Variants in PPP4R1 observed in about 807,000 individuals in gnomAD.
The protein encoded by PPP4R1 is protein phosphatase 4 regulatory subunit 1.
A neutral mutation model predicts 111.2 loss-of-function variants in PPP4R1; 42 were observed. The observed-to-expected ratio is 0.38, with a 90% CI of 0.29 to 0.49. The LOEUF (loss-of-function observed/expected upper bound fraction) is 0.49, where lower values mean the gene tolerates loss of function less well. Ranked by LOEUF, PPP4R1 falls within the 20% of genes least tolerant of loss-of-function variation. PPP4R1 has a pLI of 0.97. For synonymous variants in PPP4R1, 409 were observed against 405.5 expected (o/e 1.01, Z -0.10); for missense variants, 1,012 against 1,161.6 (o/e 0.87, Z 1.87).
chr18:9,597,677 T>C (rs781468354), intron 2 of PPP4R1, among the ~76,000 whole-genome samples: 2 of 152,132 alleles, frequency 1.3e-5, no homozygotes, highest in African/African-American at 4.8e-5. Flanking sequence ...TAACAAAGCT[T>C]AACAGGCTTC....
chr18:9,549,666 G>T (rs1451141800), intron 18 of PPP4R1, among the ~76,000 whole-genome samples: 2 of 152,174 alleles, frequency 1.3e-5, no homozygotes, highest in African/African-American at 4.8e-5. Flanking sequence ...GTGTGGTGGG[G>T]TACATGTATG....
chr18:9,584,845 C>A lies in PPP4R1; in HGVS notation c.586-17G>T. On this transcript the variant is annotated splice_polypyrimidine_tract_variant and intron_variant, in intron 6 of 19. Transcript: ENST00000400556. ...GCACATTATCTAAAATAAGTAAGAA[C>A]AAACACACACTGAAAATATCAAGTA... The A allele has an allele frequency of 4.5e-6, 7 of 1,547,172 alleles. No individual in the cohort carries two copies. The highest frequency in any genetic ancestry group is 6.2e-6 in the Non-Finnish European group (7 of 1,128,104).
At chr18:9,587,118 C>T (rs1025365710) in intron 6 of PPP4R1, among the ~76,000 whole-genome samples, 6 of 152,236 alleles carry the variant, frequency 3.9e-5, no homozygotes, top group African/African-American at 1.4e-4. Context: ...TGTGCTTACA[C>T]AGTGCCTAGA....
Position 9,614,407 on chromosome 18 carries a change from AC to A in PPP4R1, c.7+70del. The A allele has an allele frequency of 1.0e-6, 1 of 978,190 alleles. No homozygotes were observed. Among genetic ancestry groups the A allele is most frequent in the Non-Finnish European group, 1.2e-6 (1 of 832,262 alleles). 60.6% of individuals were successfully genotyped at this position (978,190 alleles called of 1,614,324 possible). Reference sequence around the variant, plus strand: ...CCACGCCGGCCCCGGCCCGGCAGCCACTCAGGGCTGCGGCGGAGGGCGGGTG... The same window carrying A: ...CCACGCCGGCCCCGGCCCGGCAGCCATCAGGGCTGCGGCGGAGGGCGGGTG... On this transcript the variant is annotated intron_variant, in intron 1 of 19. Transcript: ENST00000400556. This position sits in a 1 kb window ranked among gnomAD's most constrained non-coding sequence, Gnocchi z 4.1.
chr18:9,603,638 C>T (rs993534469), intron 2 of PPP4R1, among the ~76,000 whole-genome samples: 4 of 150,724 alleles, frequency 2.7e-5, no homozygotes, highest in African/African-American at 9.9e-5. Context: ...ATGTGCCACC[C>T]ACCATGCCCA....
intron 19 of PPP4R1, 94 bp downstream of exon 19, chr18:9,549,103 A>G (rs1044839526): frequency 7.0e-7 from 1 of 1,437,400 alleles, no homozygotes; most frequent in African/African-American, 1.4e-5. Flanking sequence ...TTCTCTGAGC[A>G]GACAATACTT....
At chr18:9,610,788 A>G (rs752792658) in intron 2 of PPP4R1, among the ~76,000 whole-genome samples, 3 of 152,002 alleles carry the variant, frequency 2.0e-5, no homozygotes, top group African/African-American at 4.8e-5. Flanking sequence ...GTACCTGATA[A>G]TGATTTCATT....
chr18:9,571,550 T>C (rs1184526660), intron 10 of PPP4R1, among the ~76,000 whole-genome samples: 1 of 152,056 alleles, frequency 6.6e-6, no homozygotes, highest in Non-Finnish European at 1.5e-5. Context: ...TATCAGCAAA[T>C]TGCTGCTAGA....
chr18:9,609,089 T>C (rs968309919), intron 2 of PPP4R1, among the ~76,000 whole-genome samples: 5 of 152,146 alleles, frequency 3.3e-5, no homozygotes, highest in Non-Finnish European at 7.4e-5. Context: ...ATGTGGGAAG[T>C]TGTTAGCAGA....
chr18:9,579,801 G>A (rs1169692774), intron 9 of PPP4R1, among the ~76,000 whole-genome samples: 1 of 152,170 alleles, frequency 6.6e-6, no homozygotes, highest in Admixed American at 6.5e-5. Context: ...ACAGTGTACA[G>A]GAGGATGTGC....
intron 13 of PPP4R1, among the ~76,000 whole-genome samples, chr18:9,561,253 A>AATG (rs1415270474): frequency 3.4e-5 from 5 of 146,226 alleles, no homozygotes; most frequent in Admixed American, 6.8e-5. Flanking sequence ...TAATAATAAT[A>AATG]ATAATAATAA....
At chr18:9,579,517 C>CGTGTGTGTGTGTGTGTGTGT (rs3974278) in intron 9 of PPP4R1, among the ~76,000 whole-genome samples, 2 of 147,770 alleles carry the variant, frequency 1.4e-5, no homozygotes. Context: ...AGGATTTACA[C>CGTGTGTGTGTGTGTGTGTGT]GTGTGTGTGT....
chr18:9,570,448 C>T lies in PPP4R1; in HGVS notation c.1282G>A (p.Gly428Ser), dbSNP rs1367778755. The T allele has an allele frequency of 6.2e-7, 1 of 1,614,124 alleles. No individual in the cohort carries two copies. The highest frequency in any genetic ancestry group is 1.3e-5 in the African/African-American group (1 of 75,034). ...AASNENDKKP[G>S]NYKSMLRPEV... Reference sequence around the variant, plus strand: ...GGTCGTAACATAGATTTGTAGTTACCAGGTTTTTTATCATTCTCATTACTA... The same window carrying T: ...GGTCGTAACATAGATTTGTAGTTACTAGGTTTTTTATCATTCTCATTACTA... The change falls in exon 11 of 20, where the codon GGT (glycine) becomes AGT (serine). Residue 428 changes from glycine to serine, a missense_variant. Around this residue, in one of 2 missense-constraint regions of PPP4R1, gnomAD observed 707 missense variants for 742.1 expected, o/e 0.95. Coordinates refer to ENST00000400556, the MANE Select transcript of PPP4R1 (RefSeq NM_001042388.3).
At chr18:9,606,100 C>A (rs1331549815) in intron 2 of PPP4R1, among the ~76,000 whole-genome samples, 1 of 151,902 alleles carries the variant, frequency 6.6e-6, no homozygotes, top group African/African-American at 2.4e-5. Context: ...ATTATTTGAC[C>A]CCAAATTAGG....
chr18:9,562,138 TTAC>T, intron 12 of PPP4R1, 63 bp from the exon 13 acceptor site: 3 of 1,231,886 alleles, frequency 2.4e-6, no homozygotes, highest in Non-Finnish European at 3.6e-6. Flanking sequence ...TTAAGCTATC[TTAC>T]TAAGTTACTT....
chr18:9,566,801 G>C (rs147804516), intron 11 of PPP4R1, among the ~76,000 whole-genome samples: 95 of 152,290 alleles, frequency 6.2e-4, no homozygotes, highest in African/African-American at 2.2e-3. Flanking sequence ...GATGAGAGCA[G>C]ATCTATTTAC....
At position 9,566,648 on chromosome 18, in the gene PPP4R1, G is replaced by GACACAC. The variant is rs56772611; in HGVS notation, c.1574-3104_1574-3099dup. ...CCTGGGTGACGGAGTGAGGCGCTGTGACACACACACACACACACACACACA... is the reference window on the plus strand; with the variant it reads ...CCTGGGTGACGGAGTGAGGCGCTGTGACACACACACACACACACACACACACACACA... On this transcript the variant is annotated intron_variant, in intron 11 of 19. Coordinates refer to ENST00000400556, the MANE Select transcript of PPP4R1 (RefSeq NM_001042388.3). 5.9e-3 allele frequency among the ~76,000 whole-genome samples: 858 copies of GACACAC among 144,208 alleles called. 10 individuals are homozygous for GACACAC. Among genetic ancestry groups the GACACAC allele is most frequent in the Middle Eastern group, 0.036 (10 of 276 alleles). The allele number at this position is 144,208 out of a possible 152,430, so 94.6% of individuals were successfully genotyped here.
chr18:9,555,893 T>C (rs957721009), intron 15 of PPP4R1, among the ~76,000 whole-genome samples: 1 of 152,084 alleles, frequency 6.6e-6, no homozygotes, highest in East Asian at 1.9e-4. Context: ...TCCCAGCACT[T>C]TGGGAGGCCA....
intron 2 of PPP4R1, among the ~76,000 whole-genome samples, chr18:9,605,185 C>T (rs2067457757): frequency 6.6e-6 from 1 of 152,036 alleles, no homozygotes; most frequent in East Asian, 1.9e-4. Context: ...AAATGAAAGA[C>T]AATGAGATAC....
Sources: gnomAD v4.1 joint callset for allele counts (sites outside exome capture counted in the v4.1 genomes callset) on GRCh38, gnomAD v4.1.1 for gene constraint, gnomAD v4.1.1 regional missense constraint, Gnocchi (gnomAD v3.1) non-coding constraint, MANE v1.5 for transcripts, NCBI Gene and HGNC (gene_info 2026-07-23, HGNC 2026-07-21) for gene names.